Variants in HDAC9 observed in about 807,000 individuals in gnomAD.
HDAC9 encodes histone deacetylase 9, also known as MEF-2 interacting transcription repressor (MITR) protein.
A neutral mutation model predicts 139.4 loss-of-function variants in HDAC9; 41 were observed. The observed-to-expected ratio is 0.29, with a 90% CI of 0.23 to 0.38. HDAC9 has a LOEUF of 0.38. HDAC9 is among the 10% of genes least tolerant of loss of function. The pLI is 1.00. For missense variants in HDAC9, 1,147 were observed against 1,297.0 expected (o/e 0.88, Z 1.78); for synonymous variants, 517 against 476.2 (o/e 1.09, Z -1.12).
intron 2 of HDAC9, among the ~76,000 whole-genome samples, chr7:18,232,956 G>A (rs576322357): frequency 5.9e-5 from 9 of 152,144 alleles, no homozygotes; most frequent in African/African-American, 9.6e-5. Context: ...ACAGTTTTGC[G>A]TGCTGTACTC....
intron 22 of HDAC9, among the ~76,000 whole-genome samples, chr7:18,902,412 A>AG (rs1202021641): frequency 6.6e-6 from 1 of 152,180 alleles, no homozygotes; most frequent in East Asian, 1.9e-4. Context: ...TAGCCAAAAA[A>AG]GAAGGAGAAA....
chr7:18,355,613 C>T (rs893817460), intron 1 of HDAC9, among the ~76,000 whole-genome samples: 6 of 152,072 alleles, frequency 3.9e-5, no homozygotes, highest in African/African-American at 1.4e-4. Context: ...TTTTCAGAGA[C>T]ATTAGAGACA....
chr7:18,913,445 C>T (rs1281235258), intron 22 of HDAC9, among the ~76,000 whole-genome samples: 1 of 152,080 alleles, frequency 6.6e-6, no homozygotes, highest in Non-Finnish European at 1.5e-5. Flanking sequence ...CCCTTCTAGA[C>T]ATTTACAGTC....
At chr7:18,924,024 A>G (rs576832535) in intron 22 of HDAC9, among the ~76,000 whole-genome samples, 299 of 151,936 alleles carry the variant, frequency 2.0e-3, no homozygotes, top group African/African-American at 7.0e-3. Flanking sequence ...TTTTATCCAT[A>G]TTGACAGGTT....
chr7:18,468,825 A>G (rs1189053028), intron 1 of HDAC9, among the ~76,000 whole-genome samples: 1 of 152,182 alleles, frequency 6.6e-6, no homozygotes, highest in Non-Finnish European at 1.5e-5. Flanking sequence ...TTCCATTTCT[A>G]AGTGCCAGAT....
intron 22 of HDAC9, among the ~76,000 whole-genome samples, chr7:18,894,219 A>G (rs988486849): frequency 1.3e-5 from 2 of 152,116 alleles, no homozygotes; most frequent in Admixed American, 6.6e-5. Context: ...TTTAGTTGTT[A>G]TCAGCATATA....
At chr7:18,847,807 A>AT (rs200458960) in intron 21 of HDAC9, among the ~76,000 whole-genome samples, 2,780 of 152,314 alleles carry the variant, frequency 0.018, 55 homozygotes, top group Admixed American at 0.039. Flanking sequence ...ATTAGTAACT[A>AT]TTCAACACTT....
intron 2 of HDAC9, among the ~76,000 whole-genome samples, chr7:18,255,478 G>A (rs13221310): frequency 4.6e-3 from 702 of 152,196 alleles, no homozygotes; most frequent in Non-Finnish European, 7.8e-3. Flanking sequence ...TGATTTGCCT[G>A]GAGAATTAAA....
intron 2 of HDAC9, among the ~76,000 whole-genome samples, chr7:18,221,335 C>T (rs1026372777): frequency 1.3e-5 from 2 of 152,068 alleles, no homozygotes; most frequent in Non-Finnish European, 2.9e-5. Context: ...GAACTCCTGA[C>T]CTCAGGTGAT....
At chr7:18,859,913 T>A (rs1404591503) in intron 21 of HDAC9, among the ~76,000 whole-genome samples, 1 of 146,134 alleles carries the variant, frequency 6.8e-6, no homozygotes, top group Non-Finnish European at 1.5e-5. Context: ...ATACTGAATT[T>A]AATTTTTAGC....
chr7:18,606,663 C>A (rs1316553105), intron 6 of HDAC9, among the ~76,000 whole-genome samples: 1 of 152,070 alleles, frequency 6.6e-6, no homozygotes, highest in African/African-American at 2.4e-5. Flanking sequence ...AAAATTTTAG[C>A]TTCTTTTCAA....
At chr7:18,456,496 A>G (rs991083630) in intron 1 of HDAC9, among the ~76,000 whole-genome samples, 2 of 152,138 alleles carry the variant, frequency 1.3e-5, no homozygotes, top group East Asian at 1.9e-4. Flanking sequence ...CGGCCTCCCA[A>G]AGTGCTGGGA....
At chr7:18,133,970 T>C (rs1785210796) in intron 1 of HDAC9, among the ~76,000 whole-genome samples, 1 of 149,442 alleles carries the variant, frequency 6.7e-6, no homozygotes, top group Non-Finnish European at 1.5e-5. Flanking sequence ...CTCTAGCCTT[T>C]CATCCATCTA....
At chr7:18,441,259 GAAAA>G (rs916320721) in intron 1 of HDAC9, among the ~76,000 whole-genome samples, 1 of 151,634 alleles carries the variant, frequency 6.6e-6, no homozygotes, top group Non-Finnish European at 1.5e-5. Flanking sequence ...CTTTTTTAAA[GAAAA>G]AAAAGTATTC....
intron 6 of HDAC9, among the ~76,000 whole-genome samples, chr7:18,596,134 A>G (rs1832425620): frequency 1.3e-5 from 2 of 151,932 alleles, no homozygotes. Flanking sequence ...TCTTCCTTTT[A>G]TGTTGAAAAT....
intron 13 of HDAC9, among the ~76,000 whole-genome samples, chr7:18,730,632 T>C (rs1240082241): frequency 6.6e-6 from 1 of 152,192 alleles, no homozygotes; most frequent in Non-Finnish European, 1.5e-5. Flanking sequence ...CATAAATTTA[T>C]GGTCTTTTCC....
chr7:18,565,596 A>G (rs554197120), intron 2 of HDAC9, among the ~76,000 whole-genome samples: 1 of 152,282 alleles, frequency 6.6e-6, no homozygotes, highest in Admixed American at 6.5e-5. Flanking sequence ...TAGCTGTTGA[A>G]CAGGACTACA....
intron 22 of HDAC9, among the ~76,000 whole-genome samples, chr7:18,913,180 C>G (rs1216905161): frequency 6.6e-6 from 1 of 152,096 alleles, no homozygotes; most frequent in East Asian, 1.9e-4. Context: ...CACGGTTGAA[C>G]TTTCTCCAGT....
chr7:18,162,290 T>C (rs1787681683), exon 2 of HDAC9: 2 of 1,533,578 alleles, frequency 1.3e-6, no homozygotes, highest in Middle Eastern at 1.7e-4. Context: ...AGGCTGTGAA[T>C]CTGCATCCTA....
Sources: gnomAD v4.1 joint callset for allele counts (sites outside exome capture counted in the v4.1 genomes callset) on GRCh38, gnomAD v4.1.1 for gene constraint, MANE v1.5 for transcripts, NCBI Gene and HGNC (gene_info 2026-07-23, HGNC 2026-07-21) for gene names.